CEP57L1: variants seen among roughly 807,000 people sequenced by gnomAD.
The protein encoded by CEP57L1 is centrosomal protein 57 like 1.
CEP57L1 carries 37 observed loss-of-function variants against 61.0 expected under a neutral mutation model. That is an observed-to-expected ratio of 0.61 (90% CI 0.47 to 0.80). The LOEUF is 0.80. Among genes scored for constraint, CEP57L1 ranks in the 30% least tolerant of loss-of-function variants. CEP57L1 has a pLI of 0.00. For missense variants in CEP57L1, 422 were observed against 524.7 expected (o/e 0.80, Z 1.91); for synonymous variants, 137 against 162.3 (o/e 0.84, Z 1.19).
rs561433715 is a variant in CEP57L1 at position 109,129,316 on chromosome 6, C to A, written c.-3-15903C>A. 1.2e-4 allele frequency: 129 copies of A among 1,077,952 alleles called. No individual in the cohort carries two copies. In the South Asian group the frequency reaches 2.7e-3, roughly 22 times the overall value. The allele number at this position is 1,077,952 out of a possible 1,614,324, so 66.8% of individuals were successfully genotyped here. A position where few individuals can be genotyped will look rare whatever the true frequency, so the allele number is the denominator to read the frequency against. On this transcript the variant is annotated intron_variant, in intron 1 of 10. Coordinates refer to ENST00000517392, the MANE Select transcript of CEP57L1 (RefSeq NM_001271852.3). The stretch of plus-strand genomic sequence containing the variant: ...TCATATTTCCTAGAAAATGGATCCT[C>A]ACTTCTTCACTTGGATATAATAATA...
intron 3 of CEP57L1, 44 bp downstream of exon 3, chr6:109,146,981 T>A (rs560523913): frequency 1.3e-6 from 2 of 1,512,002 alleles, no homozygotes; most frequent in African/African-American, 2.8e-5. Context: ...TTACTGGAGT[T>A]TACAGTTCAA....
At chr6:109,100,619 G>A (rs1304216535) in intron 1 of CEP57L1, among the ~76,000 whole-genome samples, 6 of 141,804 alleles carry the variant, frequency 4.2e-5, no homozygotes, top group Non-Finnish European at 7.5e-5. Context: ...AGGTTGCAGT[G>A]AGCTGAGATC....
intron 1 of CEP57L1, among the ~76,000 whole-genome samples, chr6:109,122,495 T>C (rs1219177950): frequency 6.6e-6 from 1 of 152,120 alleles, no homozygotes; most frequent in Non-Finnish European, 1.5e-5. Flanking sequence ...TATTGTGGCT[T>C]AGATTTGATC....
chr6:109,153,739 A>G (rs1772911572), intron 4 of CEP57L1, 94 bp from the exon 5 acceptor site: 2 of 756,176 alleles, frequency 2.6e-6, no homozygotes, highest in South Asian at 1.6e-5. Flanking sequence ...AGATATTTAT[A>G]TTGTGTTTTG....
intron 1 of CEP57L1, among the ~76,000 whole-genome samples, chr6:109,137,393 C>T (rs979269834): frequency 6.6e-6 from 1 of 152,000 alleles, no homozygotes; most frequent in East Asian, 1.9e-4. Context: ...CCTCTGCCTC[C>T]CAAGTTCAAG....
chr6:109,153,323 C>T (rs532781036), intron 4 of CEP57L1, among the ~76,000 whole-genome samples: 194 of 142,102 alleles, frequency 1.4e-3, no homozygotes, highest in African/African-American at 4.8e-3. Context: ...CTTACCATAA[C>T]CTTGACTTGC....
At chr6:109,157,370 T>G (rs1773315361) in intron 7 of CEP57L1, 1 of 152,168 alleles carries the variant, frequency 6.6e-6, no homozygotes. Flanking sequence ...GTACATAGAC[T>G]GGTATCTCTA....
chr6:109,145,091 T>G lies in CEP57L1; in HGVS notation c.-3-128T>G, dbSNP rs1256486911. The G allele has an allele frequency of 1.1e-5, 6 of 524,158 alleles. No individual in the cohort carries two copies. The East Asian group carries it at 1.8e-4, about 16-fold the overall frequency. 32.5% of individuals were successfully genotyped at this position (524,158 alleles called of 1,614,324 possible). The stretch of plus-strand genomic sequence containing the variant: ...AGCCTATTAGAGTTGAATTTATAAT[T>G]AAGTTCATAAAGATACAACTCCACA... On this transcript the variant is annotated intron_variant, in intron 1 of 10. Coordinates refer to ENST00000517392, the MANE Select transcript of CEP57L1 (RefSeq NM_001271852.3).
intron 1 of CEP57L1, among the ~76,000 whole-genome samples, chr6:109,144,087 A>T (rs1337410952): frequency 1.3e-5 from 2 of 152,208 alleles, no homozygotes; most frequent in East Asian, 3.8e-4. Context: ...TTACCTTGCA[A>T]GAACAAAAAG....
At chr6:109,162,419 C>T (rs376386536) in intron 10 of CEP57L1, among the ~76,000 whole-genome samples, 5 of 151,976 alleles carry the variant, frequency 3.3e-5, no homozygotes, top group Non-Finnish European at 7.4e-5. Context: ...TGACCTTATC[C>T]GACTTTGGCC....
intron 2 of CEP57L1, 61 bp from the exon 3 acceptor site, chr6:109,146,697 C>G: frequency 9.0e-7 from 1 of 1,116,610 alleles, no homozygotes; most frequent in Non-Finnish European, 1.2e-6. Context: ...TCTTATGTTA[C>G]TTTGATTGTA....
intron 1 of CEP57L1, among the ~76,000 whole-genome samples, chr6:109,109,075 C>T (rs981684388): frequency 1.3e-5 from 2 of 152,122 alleles, no homozygotes; most frequent in African/African-American, 4.8e-5. Flanking sequence ...ATTTGCTCTT[C>T]GTTATTTCTA....
intron 1 of CEP57L1, among the ~76,000 whole-genome samples, chr6:109,100,565 C>T (rs1782256338): frequency 6.7e-6 from 1 of 149,086 alleles, no homozygotes; most frequent in East Asian, 2.0e-4. Flanking sequence ...ATTCCAGCTA[C>T]TTGGGAGGCT....
intron 1 of CEP57L1, among the ~76,000 whole-genome samples, chr6:109,135,232 C>T (rs915413652): frequency 4.6e-5 from 7 of 152,114 alleles, no homozygotes; most frequent in Admixed American, 2.6e-4. Flanking sequence ...ACCAATGGAA[C>T]AGAACAGAGC....
intron 1 of CEP57L1, among the ~76,000 whole-genome samples, chr6:109,106,754 A>AC (rs987666468): frequency 2.6e-5 from 4 of 152,104 alleles, no homozygotes; most frequent in East Asian, 1.9e-4. Flanking sequence ...ACATGGTGAA[A>AC]CCCCCCTGTC....
chr6:109,138,167 A>G (rs925039272), intron 1 of CEP57L1, among the ~76,000 whole-genome samples: 1 of 152,204 alleles, frequency 6.6e-6, no homozygotes, highest in African/African-American at 2.4e-5. Context: ...TTTGTAAATC[A>G]TTGTAGGGAC....
intron 1 of CEP57L1, among the ~76,000 whole-genome samples, chr6:109,135,516 T>G (rs550953548): frequency 1.3e-5 from 2 of 152,182 alleles, no homozygotes; most frequent in African/African-American, 4.8e-5. Context: ...AAGGACTTCA[T>G]GTCAAAAACA....
chr6:109,124,614 G>C (rs777082814), intron 1 of CEP57L1, among the ~76,000 whole-genome samples: 1 of 152,190 alleles, frequency 6.6e-6, no homozygotes, highest in Non-Finnish European at 1.5e-5. Context: ...CACAGAAGAA[G>C]TTTTTAATAA....
At chr6:109,120,014 A>G (rs1037537618) in intron 1 of CEP57L1, among the ~76,000 whole-genome samples, 14 of 152,228 alleles carry the variant, frequency 9.2e-5, no homozygotes, top group African/African-American at 3.1e-4. Context: ...AGATTTCTGG[A>G]TATCAATAAT....
Sources: allele counts gnomAD v4.1 joint callset (sites outside exome capture counted in the v4.1 genomes callset), GRCh38; gene constraint gnomAD v4.1.1; transcripts MANE v1.5; gene names NCBI Gene and HGNC (gene_info 2026-07-23, HGNC 2026-07-21).